Variants in ERICH1 observed in about 807,000 individuals in gnomAD.
ERICH1 encodes glutamate-rich protein 1.
In ERICH1, 56 loss-of-function variants were observed where a neutral mutation model predicts 39.6. That is an observed-to-expected ratio of 1.41 (90% CI 1.14 to 1.77). ERICH1 has a LOEUF of 1.77. Among genes scored for constraint, ERICH1 ranks in the 40% most tolerant of loss-of-function variants. The probability of loss-of-function intolerance (pLI) is 0.00; values close to 1 mark genes in which losing one functional copy is unlikely to be tolerated. For synonymous variants in ERICH1, 313 were observed against 223.6 expected (o/e 1.40, Z -3.57); for missense variants, 826 against 575.4 (o/e 1.44, Z -4.45).
intron 3 of ERICH1, chr8:616,540 G>A (rs537761317): frequency 3.6e-4 from 165 of 456,044 alleles, no homozygotes; most frequent in African/African-American, 3.0e-3. Flanking sequence ...ACCACAACAC[G>A]CACATCTGGG....
chr8:730,188 G>A (rs577016106), intron 1 of ERICH1, among the ~76,000 whole-genome samples: 33 of 152,328 alleles, frequency 2.2e-4, no homozygotes, highest in African/African-American at 6.7e-4. Flanking sequence ...TTTAACCTGT[G>A]AGCTGATCAG....
chr8:718,946 T>C (rs1332410671), intron 1 of ERICH1, among the ~76,000 whole-genome samples: 2 of 152,184 alleles, frequency 1.3e-5, no homozygotes. Flanking sequence ...TTGTGCATTG[T>C]GCGGCTTCTC....
intron 3 of ERICH1, among the ~76,000 whole-genome samples, chr8:620,278 C>G (rs778401470): frequency 1.3e-5 from 2 of 152,190 alleles, no homozygotes; most frequent in Non-Finnish European, 2.9e-5. Context: ...TGCCACTGCA[C>G]TCCAGCCTGG....
chr8:661,928 C>A (rs1585102372), downstream of ERICH1, among the ~76,000 whole-genome samples: 2 of 152,240 alleles, frequency 1.3e-5, no homozygotes, highest in South Asian at 4.1e-4. Flanking sequence ...CCCACCACCC[C>A]CCGCAGTGGC....
chr8:621,805 A>T (rs151074822), intron 3 of ERICH1, among the ~76,000 whole-genome samples: 2 of 152,246 alleles, frequency 1.3e-5, no homozygotes, highest in Non-Finnish European at 2.9e-5. Flanking sequence ...TTATAAGTGA[A>T]TAATATCAAC....
At chr8:720,913 T>C (rs1225884288) in intron 1 of ERICH1, among the ~76,000 whole-genome samples, 3 of 152,184 alleles carry the variant, frequency 2.0e-5, no homozygotes, top group African/African-American at 7.2e-5. Context: ...CTGGTAAGCC[T>C]TGTCACAGAA....
intron 1 of ERICH1, chr8:725,111 T>C: frequency 5.7e-6 from 1 of 174,400 alleles, no homozygotes; most frequent in Non-Finnish European, 1.2e-5. Context: ...TCTGGCTTCT[T>C]GTCTGCTGTC....
intron 3 of ERICH1, among the ~76,000 whole-genome samples, chr8:689,587 C>G (rs1563268523): frequency 6.6e-6 from 1 of 152,206 alleles, no homozygotes; most frequent in Non-Finnish European, 1.5e-5. Context: ...GCTGCCAGCA[C>G]TGTGTGCCAC....
intron 2 of ERICH1, among the ~76,000 whole-genome samples, chr8:694,465 G>A (rs150631158): frequency 6.6e-6 from 1 of 152,182 alleles, no homozygotes; most frequent in South Asian, 2.1e-4. Flanking sequence ...GACACGGGAG[G>A]GATCAGGGAA....
Position 673,469 on chromosome 8 carries a change from C to A in ERICH1, c.883G>T (p.Glu295Ter). Reference protein sequence around the residue: ...AGEEDGKDTREEDGADASEED... With the variant: ...AGEEDGKDTR ...TCGCTGGCGTCCGCACCGTCCTCCT[C>A]CCTGGTGTCTTTACCGTCTTCCTCC... Residue 295 changes from glutamate (E) to a stop codon, truncating the protein, a stop_gained, in exon 4 of 6, where the codon GAG (glutamate) becomes TAG (stop). Transcript: ENST00000262109. LOFTEE classifies it high-confidence loss of function. 6.2e-7 allele frequency: 1 copy of A among 1,611,626 alleles called. No individual in the cohort carries two copies. Among genetic ancestry groups the A allele is most frequent in the Non-Finnish European group, 8.5e-7 (1 of 1,179,862 alleles).
At chr8:660,482 G>A (rs1350301491), downstream of ERICH1, among the ~76,000 whole-genome samples, 8 of 152,306 alleles carry the variant, frequency 5.3e-5, no homozygotes, top group East Asian at 1.6e-3. Flanking sequence ...CAAGGACACG[G>A]AGCCTCTGTC....
downstream of ERICH1, among the ~76,000 whole-genome samples, chr8:661,086 G>A (rs919943694): frequency 2.6e-5 from 4 of 152,164 alleles, no homozygotes; most frequent in Admixed American, 6.5e-5. Context: ...AATAAGTTTT[G>A]AGGAATTTCT....
At chr8:618,043 G>T (rs1797037387) in intron 3 of ERICH1, among the ~76,000 whole-genome samples, 1 of 149,784 alleles carries the variant, frequency 6.7e-6, no homozygotes, top group Non-Finnish European at 1.5e-5. Context: ...CCATATGAGT[G>T]CTCAATGCTC....
chr8:698,876 G>A (rs1585427745), intron 2 of ERICH1, among the ~76,000 whole-genome samples: 1 of 150,474 alleles, frequency 6.6e-6, no homozygotes, highest in African/African-American at 2.4e-5. Flanking sequence ...CCACGAAGTA[G>A]CATCCTATGG....
downstream of ERICH1, among the ~76,000 whole-genome samples, chr8:659,857 C>T (rs200452663): frequency 1.4e-5 from 1 of 74,014 alleles, no homozygotes; most frequent in Non-Finnish European, 3.1e-5. Context: ...GGGTGACCAT[C>T]GAGATCTCCA....
intron 3 of ERICH1, among the ~76,000 whole-genome samples, chr8:688,388 C>T (rs544039900): frequency 2.2e-5 from 2 of 92,774 alleles, no homozygotes; most frequent in Admixed American, 2.6e-4. Context: ...CCTCCGCAGG[C>T]TCCAGAGGCG....
intron 3 of ERICH1, among the ~76,000 whole-genome samples, chr8:677,005 A>G (rs1373689542): frequency 6.6e-6 from 1 of 152,206 alleles, no homozygotes. Flanking sequence ...CCTCTTCCAC[A>G]ATGAAGCTCT....
chr8:628,627 C>CATTCTGA (rs1245832492), intron 3 of ERICH1, among the ~76,000 whole-genome samples: 1 of 152,200 alleles, frequency 6.6e-6, no homozygotes, highest in Non-Finnish European at 1.5e-5. Context: ...CCTTTCTTAA[C>CATTCTGA]ATTCTGAAGT....
intron 2 of ERICH1, among the ~76,000 whole-genome samples, chr8:698,223 CTTT>C (rs368424788): frequency 9.3e-5 from 8 of 86,014 alleles, no homozygotes; most frequent in Admixed American, 1.5e-4. Flanking sequence ...TATTCCTTTT[CTTT>C]TTTTTTTTTT....
Sources: allele counts gnomAD v4.1 joint callset (sites outside exome capture counted in the v4.1 genomes callset), GRCh38; gene constraint gnomAD v4.1.1; transcripts MANE v1.5; gene names NCBI Gene and HGNC (gene_info 2026-07-23, HGNC 2026-07-21).